DAGLA: variants seen among roughly 807,000 people sequenced by gnomAD.
DAGLA encodes diacylglycerol lipase-alpha.
In DAGLA, 22 loss-of-function variants were observed where a neutral mutation model predicts 102.6. The ratio of observed to expected loss-of-function variants is 0.21; its 90% CI spans 0.15 to 0.31. The LOEUF (loss-of-function observed/expected upper bound fraction) is 0.31. Ranked by LOEUF, DAGLA falls within the 10% of genes least tolerant of loss-of-function variation. DAGLA has a pLI of 1.00. For missense variants in DAGLA, 927 were observed against 1,446.6 expected, an observed-to-expected ratio of 0.64 and a Z score of 5.83; for synonymous variants, 578 against 628.9, an observed-to-expected ratio of 0.92 and a Z score of 1.21.
chr11:61,693,832 A>G (rs1475958164), intron 1 of DAGLA, among the ~76,000 whole-genome samples: 1 of 152,128 alleles, frequency 6.6e-6, no homozygotes, highest in African/African-American at 2.4e-5. Flanking sequence ...AGGGCTTCAC[A>G]CCGCTTCTCC....
intron 1 of DAGLA, among the ~76,000 whole-genome samples, chr11:61,715,953 AGG>A: frequency 6.6e-6 from 1 of 152,032 alleles, no homozygotes; most frequent in Non-Finnish European, 1.5e-5. Flanking sequence ...GGGGGGGGAG[AGG>A]GTTCTCCCTG....
At chr11:61,731,486 CG>C (rs1565261140) in intron 9 of DAGLA, 45 bp downstream of exon 9, 2 of 1,606,238 alleles carry the variant, frequency 1.2e-6, no homozygotes. Flanking sequence ...CCTCTCCTCC[CG>C]GGTGGTGTGT....
rs2063401399 is a variant in DAGLA, at chr11:61,743,637, G to A, written c.2277G>A (p.Leu759=). The part of the protein sequence containing the change: ...AARQDPVELL[L]LSTQERLAAE... Reference sequence around the variant, plus strand: ...GCCAGGACCCGGTGGAGCTGCTGCTGCTGTCTACCCAGGAGCGGCTGGCGG... The same window carrying A: ...GCCAGGACCCGGTGGAGCTGCTGCTACTGTCTACCCAGGAGCGGCTGGCGG... Residue 759 remains leucine (L), a synonymous_variant, in exon 20 of 20, where the codon CTG becomes CTA. Transcript: ENST00000257215. The A allele has an allele frequency of 1.3e-6, 2 of 1,598,174 alleles. No individual in the cohort carries two copies. The highest frequency in any genetic ancestry group is 8.5e-7 in the Non-Finnish European group (1 of 1,176,062).
At chr11:61,736,122 G>T in intron 12 of DAGLA, 148 bp from the exon 13 acceptor site, 1 of 668,716 alleles carries the variant, frequency 1.5e-6, no homozygotes, top group Non-Finnish European at 2.7e-6. Context: ...GACAGGATCA[G>T]CGTGTCTGCC....
In DAGLA at chr11:61,720,161, C is replaced by G; in HGVS notation, c.6C>G (p.Pro2=). The change falls in exon 2 of 20, where the codon CCC becomes CCG. Residue 2 remains proline, a synonymous_variant. Coordinates refer to ENST00000257215, the MANE Select transcript of DAGLA (RefSeq NM_006133.3). The stretch of plus-strand genomic sequence containing the variant: ...CCTCTGCAGAGCCACCAGCCATGCC[C>G]GGGATCGTGGTGTTCCGGCGGCGCT... M[P]GIVVFRRRWS... The G allele has an allele frequency of 6.2e-7, 1 of 1,612,732 alleles. No individual in the cohort carries two copies. The highest frequency in any genetic ancestry group is 8.5e-7 in the Non-Finnish European group (1 of 1,180,018).
At chr11:61,682,076 TG>T (rs34700917) in intron 1 of DAGLA, among the ~76,000 whole-genome samples, 40,418 of 151,902 alleles carry the variant, frequency 0.27, 5,615 homozygotes, top group East Asian at 0.48. Flanking sequence ...CCAAGGTGGG[TG>T]CTTGGAGATG....
intron 19 of DAGLA, among the ~76,000 whole-genome samples, chr11:61,742,479 T>C (rs1045182664): frequency 2.0e-5 from 3 of 152,138 alleles, no homozygotes. Flanking sequence ...CACAACCCGA[T>C]GAAGAAGCCA....
At chr11:61,709,974 A>G (rs1348825078) in intron 1 of DAGLA, among the ~76,000 whole-genome samples, 1 of 152,148 alleles carries the variant, frequency 6.6e-6, no homozygotes, top group Admixed American at 6.5e-5. Context: ...GCCAACCCAC[A>G]GCCTGAGGAG....
intron 16 of DAGLA, 129 bp from the exon 17 acceptor site, chr11:61,739,336 C>A: frequency 1.1e-6 from 1 of 920,840 alleles, no homozygotes; most frequent in Non-Finnish European, 1.7e-6. Context: ...CACTGCCCTT[C>A]CCCTGCCCCT....
At chr11:61,695,424 C>T (rs1591026341) in intron 1 of DAGLA, among the ~76,000 whole-genome samples, 1 of 152,202 alleles carries the variant, frequency 6.6e-6, no homozygotes, top group Non-Finnish European at 1.5e-5. Context: ...GAGTTCATGT[C>T]CCCAGAAGCT....
intron 1 of DAGLA, among the ~76,000 whole-genome samples, chr11:61,709,403 C>T (rs144107587): frequency 2.3e-3 from 349 of 152,278 alleles, no homozygotes; most frequent in African/African-American, 8.1e-3. Flanking sequence ...ACCACCACGC[C>T]CCGCTAATTT....
In DAGLA at chr11:61,741,276, C is replaced by G. The variant is rs2065476408; in HGVS notation, c.2098C>G (p.Pro700Ala). ...GCTCATCTTCCAGCAGCAGCCACTC[C>G]CCACGGGGCCGCCCATGCCCACTGG... is the stretch of plus-strand genomic sequence containing the variant. ...PELIFQQQPL[P>A]TGPPMPTGLA... The change falls in exon 19 of 20, where the codon CCC becomes GCC. Residue 700 changes from proline to alanine, a missense_variant. Physicochemically the swap from Pro to Ala is conservative, Grantham distance 27. This residue lies in a region of DAGLA where 434 missense variants were observed against 503.3 expected (regional missense o/e 0.86). Transcript: ENST00000257215. 3 of 1,613,160 alleles carry G rather than the reference C, an allele frequency of 1.9e-6. No individual in the cohort carries two copies. The African/African-American group carries it at 4.0e-5, about 21-fold the overall frequency.
chr11:61,720,664 G>A lies in DAGLA; in HGVS notation c.96-15G>A, dbSNP rs2135581354. On this transcript the variant is annotated splice_polypyrimidine_tract_variant and intron_variant, in intron 2 of 19. Transcript: ENST00000257215. The stretch of plus-strand genomic sequence containing the variant: ...GGGCCACCTGGCCTTGCTCACACGG[G>A]CGTTCCTGTGACAGGTTTGTGATCC... The A allele has an allele frequency of 2.5e-6, 4 of 1,612,536 alleles. No homozygotes were observed. Among genetic ancestry groups the A allele is most frequent in the Non-Finnish European group, 3.4e-6 (4 of 1,179,454 alleles).
chr11:61,742,834 A>G (rs2065492425), intron 19 of DAGLA, among the ~76,000 whole-genome samples: 1 of 126,368 alleles, frequency 7.9e-6, no homozygotes, highest in Non-Finnish European at 1.6e-5. Flanking sequence ...CTCTCATTCC[A>G]CTGTGGCCTC....
chr11:61,692,922 A>T (rs1041292372), intron 1 of DAGLA, among the ~76,000 whole-genome samples: 5 of 151,768 alleles, frequency 3.3e-5, no homozygotes, highest in Non-Finnish European at 7.4e-5. Context: ...CCACAATTAG[A>T]TGGAGGAAAA....
At chr11:61,718,201 C>T (rs1419598590) in intron 1 of DAGLA, among the ~76,000 whole-genome samples, 1 of 152,252 alleles carries the variant, frequency 6.6e-6, no homozygotes, top group Admixed American at 6.5e-5. Context: ...CTCCAGCCAG[C>T]CCCTCTGGGA....
chr11:61,715,817 G>T (rs1269527566), intron 1 of DAGLA, among the ~76,000 whole-genome samples: 1 of 152,246 alleles, frequency 6.6e-6, no homozygotes, highest in Non-Finnish European at 1.5e-5. Flanking sequence ...GGGGTGTGCA[G>T]GACCTGTGCA....
intron 1 of DAGLA, among the ~76,000 whole-genome samples, chr11:61,693,118 C>T (rs956927705): frequency 3.3e-5 from 5 of 150,792 alleles, no homozygotes; most frequent in African/African-American, 4.9e-5. Flanking sequence ...GCCTTAGCCT[C>T]GCAAATATCT....
intron 1 of DAGLA, among the ~76,000 whole-genome samples, chr11:61,716,252 C>T (rs527267389): frequency 3.3e-5 from 5 of 152,156 alleles, no homozygotes; most frequent in South Asian, 2.1e-4. Flanking sequence ...GCAGGTTAAC[C>T]GTAACACAGT....
Sources: gnomAD v4.1 joint callset for allele counts (sites outside exome capture counted in the v4.1 genomes callset) on GRCh38, gnomAD v4.1.1 for gene constraint, gnomAD v4.1.1 regional missense constraint, MANE v1.5 for transcripts, NCBI Gene and HGNC (gene_info 2026-07-23, HGNC 2026-07-21) for gene names.